The following PYROXD2 variants were observed in gnomAD, a reference collection of about 807,000 sequenced individuals.
PYROXD2 encodes the protein pyridine nucleotide-disulfide oxidoreductase domain-containing protein 2.
PYROXD2 carries 69 observed loss-of-function variants against 71.1 expected under a neutral mutation model. That is an observed-to-expected ratio of 0.97 (90% CI 0.80 to 1.19). PYROXD2 has a LOEUF of 1.19. Among genes scored for constraint, PYROXD2 ranks in the 50% most tolerant of loss-of-function variants. PYROXD2 has a pLI of 0.00. For missense variants in PYROXD2, 745 were observed against 748.9 expected (o/e 0.99, Z 0.06); for synonymous variants, 287 against 302.7 (o/e 0.95, Z 0.54).
intron 2 of PYROXD2, among the ~76,000 whole-genome samples, chr10:98,408,405 C>T (rs547476138): frequency 5.3e-5 from 8 of 152,338 alleles, no homozygotes; most frequent in African/African-American, 1.7e-4. Context: ...GCTGACCCTT[C>T]CACCCAGGTT....
At chr10:98,395,524 T>C in intron 6 of PYROXD2, 72 bp from the exon 7 acceptor site, 3 of 1,363,112 alleles carry the variant, frequency 2.2e-6, no homozygotes, top group South Asian at 2.3e-5. Flanking sequence ...GCCTGGGGGA[T>C]AAAAGCATGG....
intron 12 of PYROXD2, among the ~76,000 whole-genome samples, chr10:98,389,599 C>T (rs186755247): frequency 6.6e-6 from 1 of 152,324 alleles, no homozygotes; most frequent in African/African-American, 2.4e-5. Flanking sequence ...TACAGCAGCA[C>T]ACTCCTGCCC....
chr10:98,409,631 G>A (rs1345585172), intron 2 of PYROXD2, among the ~76,000 whole-genome samples: 3 of 152,214 alleles, frequency 2.0e-5, no homozygotes, highest in East Asian at 1.9e-4. Flanking sequence ...AAGGCTGCAT[G>A]TGCCAGGTCC....
intron 6 of PYROXD2, among the ~76,000 whole-genome samples, chr10:98,396,952 C>T (rs1843207424): frequency 6.6e-6 from 1 of 152,150 alleles, no homozygotes; most frequent in South Asian, 2.1e-4. Context: ...CGAGAAGGTT[C>T]CTCAAATGCT....
chr10:98,399,791 G>A (rs550739933), intron 5 of PYROXD2, among the ~76,000 whole-genome samples: 2 of 152,334 alleles, frequency 1.3e-5, no homozygotes, highest in South Asian at 2.1e-4. Flanking sequence ...TGAAGCACAC[G>A]CCAGTGTAAG....
intron 10 of PYROXD2, 26 bp from the exon 11 acceptor site, chr10:98,391,108 G>C (rs558732269): frequency 3.7e-5 from 54 of 1,464,484 alleles, no homozygotes; most frequent in Admixed American, 8.4e-5. Flanking sequence ...TCCATGAAAG[G>C]CCTCAGATGT....
chr10:98,414,707 G>C (rs568349456), intron 1 of PYROXD2: 1 of 312,496 alleles, frequency 3.2e-6, no homozygotes, highest in East Asian at 6.0e-5. Flanking sequence ...CTTTGCAAGA[G>C]ATATAGGGAA....
intron 4 of PYROXD2, among the ~76,000 whole-genome samples, chr10:98,405,987 C>G (rs1313947922): frequency 6.6e-6 from 1 of 152,172 alleles, no homozygotes; most frequent in Non-Finnish European, 1.5e-5. Flanking sequence ...AAAATAAACG[C>G]TCTCCATTAT....
Position 98,385,012 on chromosome 10 carries a change from G to A in PYROXD2, c.1610C>T (p.Pro537Leu). The A allele has an allele frequency of 6.2e-7, 1 of 1,613,864 alleles. No individual in the cohort carries two copies. The highest frequency in any genetic ancestry group is 8.5e-7 in the Non-Finnish European group (1 of 1,179,918). ...AGGGCAGCGGTAGCCAGAATGCAGGGGCACGGGGCGGGCGAAGTAGAGCTG... is the reference window on the plus strand; with the variant it reads ...AGGGCAGCGGTAGCCAGAATGCAGGAGCACGGGGCGGGCGAAGTAGAGCTG... ...LDQLYFARPV[P>L]LHSGYRCPLQ... Residue 537 changes from proline (P) to leucine (L), a missense_variant, in exon 15 of 16, where the codon CCC (proline) becomes CTC (leucine). Coordinates refer to ENST00000370575, the MANE Select transcript of PYROXD2 (RefSeq NM_032709.3).
At chr10:98,387,131 G>T in intron 14 of PYROXD2, 70 bp downstream of exon 14, 1 of 1,150,192 alleles carries the variant, frequency 8.7e-7, no homozygotes, top group South Asian at 1.4e-5. Context: ...ATAAAGCAGA[G>T]AGGTCATAGC....
At chr10:98,406,848 C>T (rs546852986) in intron 4 of PYROXD2, among the ~76,000 whole-genome samples, 28 of 145,450 alleles carry the variant, frequency 1.9e-4, no homozygotes, top group Non-Finnish European at 2.8e-4. Context: ...GCTGAGATCG[C>T]GCCACCGTAC....
intron 1 of PYROXD2, chr10:98,414,239 T>G (rs942015012): frequency 4.6e-5 from 7 of 152,168 alleles, no homozygotes; most frequent in Non-Finnish European, 1.0e-4. Context: ...CCGTCTGCTT[T>G]CGGTCCCGTC....
chr10:98,385,378 G>A (rs1842717798), intron 14 of PYROXD2, among the ~76,000 whole-genome samples: 1 of 152,236 alleles, frequency 6.6e-6, no homozygotes, highest in Admixed American at 6.5e-5. Flanking sequence ...AGAATTGTCT[G>A]ACTTATTGTG....
chr10:98,395,118 T>C, intron 8 of PYROXD2, 78 bp downstream of exon 8: 1 of 1,249,732 alleles, frequency 8.0e-7, no homozygotes, highest in East Asian at 2.3e-5. Flanking sequence ...CTGTTGTTGC[T>C]GCCACTGCCA....
At chr10:98,408,520 A>G (rs1199474864) in intron 2 of PYROXD2, among the ~76,000 whole-genome samples, 1 of 152,136 alleles carries the variant, frequency 6.6e-6, no homozygotes, top group Non-Finnish European at 1.5e-5. Context: ...TCCCGGCTTT[A>G]CCCACTTCAT....
At chr10:98,385,899 T>C (rs945809520) in intron 14 of PYROXD2, among the ~76,000 whole-genome samples, 1 of 152,182 alleles carries the variant, frequency 6.6e-6, no homozygotes, top group African/African-American at 2.4e-5. Context: ...CCTTCTTTCC[T>C]CTATACCTGG....
chr10:98,401,275 AAC>A (rs1554879094), intron 4 of PYROXD2, among the ~76,000 whole-genome samples: 6 of 150,764 alleles, frequency 4.0e-5, no homozygotes, highest in African/African-American at 1.5e-4. Flanking sequence ...AACAAAAAAA[AAC>A]AAACATAGAA....
chr10:98,410,304 C>A (rs953931308), intron 2 of PYROXD2, among the ~76,000 whole-genome samples: 3 of 152,168 alleles, frequency 2.0e-5, no homozygotes, highest in African/African-American at 4.8e-5. Flanking sequence ...GCCTTGAATG[C>A]CTTCTGTGGC....
rs1843680036 is a variant in PYROXD2, at chr10:98,408,297, C to T, written c.148-300G>A. On this transcript the variant is annotated intron_variant, in intron 2 of 15. Transcript: ENST00000370575. ...CCTGGTGCCTCGGGGACTCACGCTGCTTCCTGCCACCCTGCCCTGGGATGT... is the reference window on the plus strand; with the variant it reads ...CCTGGTGCCTCGGGGACTCACGCTGTTTCCTGCCACCCTGCCCTGGGATGT... Among the ~76,000 whole-genome samples the T allele has an allele frequency of 1.3e-5, 2 of 152,220 alleles. 1 individual carries two copies. The highest frequency in any genetic ancestry group is 4.1e-4 in the South Asian group (2 of 4,832).
Sources: gnomAD v4.1 joint callset for allele counts (sites outside exome capture counted in the v4.1 genomes callset) on GRCh38, gnomAD v4.1.1 for gene constraint, MANE v1.5 for transcripts, NCBI Gene and HGNC (gene_info 2026-07-23, HGNC 2026-07-21) for gene names.